CCDC73: variants seen among roughly 807,000 people sequenced by gnomAD.
CCDC73 encodes the protein coiled-coil domain-containing protein 73.
Under a neutral mutation model 116.5 loss-of-function variants are expected in CCDC73, and 95 were observed. The observed-to-expected ratio is 0.82, with a 90% CI of 0.69 to 0.97. The LOEUF is 0.97. CCDC73 is among the 50% of genes least tolerant of loss of function. The pLI is 0.00. For synonymous variants in CCDC73, 398 were observed against 401.3 expected (o/e 0.99, Z 0.10); for missense variants, 1,066 against 1,206.8 (o/e 0.88, Z 1.73).
At chr11:32,759,671 C>T (rs976262661) in intron 2 of CCDC73, among the ~76,000 whole-genome samples, 11 of 152,098 alleles carry the variant, frequency 7.2e-5, no homozygotes, top group African/African-American at 2.7e-4. Flanking sequence ...TTCTTTCAAC[C>T]CAGAATATTT....
At chr11:32,694,288 C>T (rs1413671157) in intron 6 of CCDC73, among the ~76,000 whole-genome samples, 1 of 152,088 alleles carries the variant, frequency 6.6e-6, no homozygotes, top group Non-Finnish European at 1.5e-5. Flanking sequence ...AACAGAGAGC[C>T]AAATCATGAG....
intron 1 of CCDC73, among the ~76,000 whole-genome samples, chr11:32,771,973 T>C (rs569762043): frequency 6.6e-6 from 1 of 152,246 alleles, no homozygotes; most frequent in Admixed American, 6.5e-5. Context: ...AAAGACTACA[T>C]GGAGAGAGGA....
At chr11:32,804,634 T>C in the CCDC73 span, among the ~76,000 whole-genome samples, 1 of 152,242 alleles carries the variant, frequency 6.6e-6, no homozygotes, top group Non-Finnish European at 1.5e-5. Context: ...CCAGAAATAG[T>C]GAATAGGTTG....
the CCDC73 span, among the ~76,000 whole-genome samples, chr11:32,811,863 A>T: frequency 6.6e-6 from 1 of 152,102 alleles, no homozygotes; most frequent in African/African-American, 2.4e-5. Context: ...TTAACATGAG[A>T]TTTGTAGGGG....
At position 32,614,623 on chromosome 11, in the gene CCDC73, T is replaced by A. The variant is rs1855457748; in HGVS notation, c.1695A>T (p.Val565=). ...TRGLDVHHTD[V]NLEVENNKTS... ...TTTTGTTATTTTCAACCTCCAGATT[T>A]ACATCTGTATGGTGAACATCTAATC... Residue 565 remains valine, a synonymous_variant, in exon 16 of 18, where the codon GTA becomes GTT. Coordinates refer to ENST00000335185, the MANE Select transcript of CCDC73 (RefSeq NM_001008391.4). 6.2e-7 allele frequency: 1 copy of A among 1,612,840 alleles called. No homozygotes were observed. Among genetic ancestry groups the A allele is most frequent in the South Asian group, 1.1e-5 (1 of 91,056 alleles).
At chr11:32,629,418 C>CTT (rs35714596) in intron 14 of CCDC73, among the ~76,000 whole-genome samples, 1 of 142,456 alleles carries the variant, frequency 7.0e-6, no homozygotes. Context: ...TATAAAGACA[C>CTT]TTTTTTTTTT....
the CCDC73 span, among the ~76,000 whole-genome samples, chr11:32,814,865 G>A: frequency 2.0e-5 from 3 of 152,244 alleles, no homozygotes; most frequent in East Asian, 1.9e-4. Context: ...ATGAAGTACC[G>A]ATGCATGCTA....
At chr11:32,753,368 G>A (rs796494888) in intron 2 of CCDC73, among the ~76,000 whole-genome samples, 53 of 148,366 alleles carry the variant, frequency 3.6e-4, no homozygotes, top group African/African-American at 1.2e-3. Context: ...CACAAACACA[G>A]CTCACTGCAG....
chr11:32,728,655 T>A (rs1440235016), intron 2 of CCDC73, among the ~76,000 whole-genome samples: 1 of 152,236 alleles, frequency 6.6e-6, no homozygotes, highest in Non-Finnish European at 1.5e-5. Context: ...TCTATCTGTA[T>A]ATAATTAAAC....
intron 4 of CCDC73, among the ~76,000 whole-genome samples, chr11:32,701,144 C>T (rs1445602621): frequency 1.3e-5 from 2 of 152,120 alleles, no homozygotes; most frequent in African/African-American, 4.8e-5. Flanking sequence ...GCACACACCA[C>T]CACACCCAGT....
intron 9 of CCDC73, among the ~76,000 whole-genome samples, chr11:32,672,172 T>A (rs1341939001): frequency 6.6e-6 from 1 of 152,060 alleles, no homozygotes; most frequent in Admixed American, 6.6e-5. Flanking sequence ...TGAAACCCCG[T>A]CTCTACTAAA....
intron 1 of CCDC73, among the ~76,000 whole-genome samples, chr11:32,760,768 T>C (rs1351333049): frequency 6.6e-6 from 1 of 152,192 alleles, no homozygotes; most frequent in African/African-American, 2.4e-5. Context: ...GCAAGAAACT[T>C]TTCAACTTTT....
At chr11:32,759,272 G>T (rs1260162973) in intron 2 of CCDC73, among the ~76,000 whole-genome samples, 2 of 150,018 alleles carry the variant, frequency 1.3e-5, no homozygotes, top group African/African-American at 4.9e-5. Context: ...GAAATAAAAT[G>T]CTTTTTAATG....
At chr11:32,769,598 C>A (rs754133597) in intron 1 of CCDC73, among the ~76,000 whole-genome samples, 12 of 152,140 alleles carry the variant, frequency 7.9e-5, no homozygotes, top group Non-Finnish European at 1.6e-4. Context: ...GAGAAATATA[C>A]TCCATCTTTT....
At position 32,673,687 on chromosome 11, in the gene CCDC73, A is replaced by G. The variant is rs189290003; in HGVS notation, c.645+1878T>C. Among the ~76,000 whole-genome samples, 3 of 152,322 alleles carry G rather than the reference A, an allele frequency of 2.0e-5. No homozygotes were observed. The East Asian group carries it at 5.8e-4, about 29-fold the overall frequency. On this transcript the variant is annotated intron_variant, in intron 9 of 17. Transcript: ENST00000335185. ...TTGAATTCCTAACTTTGGCCTCACT[A>G]ATGTTTTACCCTAAACAAGTGTATG...
At chr11:32,696,608 AT>A (rs954395080) in intron 6 of CCDC73, among the ~76,000 whole-genome samples, 4 of 151,404 alleles carry the variant, frequency 2.6e-5, no homozygotes, top group Non-Finnish European at 4.4e-5. Flanking sequence ...TTGCATATAT[AT>A]TTTTTTTGTA....
intron 12 of CCDC73, among the ~76,000 whole-genome samples, chr11:32,648,275 AC>A (rs1855796078): frequency 2.0e-5 from 3 of 152,130 alleles, no homozygotes; most frequent in Admixed American, 6.5e-5. Context: ...TCTGGTTCCC[AC>A]TTTTTAGTAC....
chr11:32,633,651 A>C (rs907155291), intron 14 of CCDC73, among the ~76,000 whole-genome samples: 4 of 152,204 alleles, frequency 2.6e-5, no homozygotes, highest in Admixed American at 6.5e-5. Flanking sequence ...CTTAACTCCT[A>C]CAGCATTGAA....
chr11:32,671,307 T>C (rs1480409643), intron 9 of CCDC73, among the ~76,000 whole-genome samples: 3 of 151,996 alleles, frequency 2.0e-5, no homozygotes, highest in African/African-American at 4.8e-5. Flanking sequence ...TCAGGAATTC[T>C]TCATGATTGC....
Sources: allele counts gnomAD v4.1 joint callset (sites outside exome capture counted in the v4.1 genomes callset), GRCh38; gene constraint gnomAD v4.1.1; transcripts MANE v1.5; gene names NCBI Gene and HGNC (gene_info 2026-07-23, HGNC 2026-07-21).